The following CYP7B1 variants were observed in gnomAD, a reference collection of about 807,000 sequenced individuals.
CYP7B1 encodes cytochrome P450 family 7 subfamily B member 1.
CYP7B1 carries 29 observed loss-of-function variants against 42.7 expected under a neutral mutation model. The ratio of observed to expected loss-of-function variants is 0.68; its 90% CI spans 0.51 to 0.93. The LOEUF is 0.93. CYP7B1 is among the 40% of genes least tolerant of loss of function. The probability of loss-of-function intolerance (pLI) is 0.00; values close to 1 mark genes in which losing one functional copy is unlikely to be tolerated. For missense variants in CYP7B1, 655 were observed against 600.5 expected (o/e 1.09, Z -0.95); for synonymous variants, 235 against 218.2 (o/e 1.08, Z -0.68).
At chr8:64,767,324 G>C (rs1244441825) in intron 1 of CYP7B1, among the ~76,000 whole-genome samples, 1 of 152,166 alleles carries the variant, frequency 6.6e-6, no homozygotes, top group Non-Finnish European at 1.5e-5. Context: ...AGGTTCATCG[G>C]AAAGGAAAGG....
At chr8:64,772,231 C>T (rs955432471) in intron 1 of CYP7B1, among the ~76,000 whole-genome samples, 1 of 152,210 alleles carries the variant, frequency 6.6e-6, no homozygotes, top group Non-Finnish European at 1.5e-5. Flanking sequence ...AAGATCCCAT[C>T]TCTGATGGCT....
chr8:64,675,160 C>G (rs1806426831), intron 1 of CYP7B1, among the ~76,000 whole-genome samples: 1 of 152,100 alleles, frequency 6.6e-6, no homozygotes, highest in Admixed American at 6.6e-5. Context: ...ACATTCATTT[C>G]AAGTACAAGT....
At chr8:64,653,330 C>T (rs1272575286) in intron 1 of CYP7B1, among the ~76,000 whole-genome samples, 1 of 151,922 alleles carries the variant, frequency 6.6e-6, no homozygotes, top group Admixed American at 6.6e-5. Flanking sequence ...TACCACTGAC[C>T]CCACAGAAAT....
rs188561225 is a variant in CYP7B1, at chr8:64,591,602, G to A, written c.*5040C>T. Among the ~76,000 whole-genome samples, 4 of 152,268 alleles carry A rather than the reference G, an allele frequency of 2.6e-5. No individual in the cohort carries two copies. The highest frequency in any genetic ancestry group is 2.0e-4 in the Admixed American group (3 of 15,288). ...TTATGATAAAATAAGCATTAAAAAT[G>A]TAGATTTTCAGTATGGAAGCTCCTT... On this transcript the variant is annotated 3_prime_UTR_variant, in exon 6 of 6. Transcript: ENST00000310193.
chr8:64,731,755 T>C (rs1377660308), intron 1 of CYP7B1, among the ~76,000 whole-genome samples: 1 of 152,208 alleles, frequency 6.6e-6, no homozygotes, highest in Non-Finnish European at 1.5e-5. Context: ...ACCATGTCTT[T>C]AGATTTGGTG....
At chr8:64,589,876 A>G (rs981216125), downstream of CYP7B1, 1 of 152,206 alleles carries the variant, frequency 6.6e-6, no homozygotes, top group African/African-American at 2.4e-5. Flanking sequence ...TCATGATTAT[A>G]TCTCTGAACA....
At chr8:64,619,639 T>C (rs78400904) in intron 2 of CYP7B1, among the ~76,000 whole-genome samples, 71 of 152,266 alleles carry the variant, frequency 4.7e-4, no homozygotes, top group African/African-American at 1.7e-3. Flanking sequence ...CTTACAATAT[T>C]AACTGTAGCA....
intron 1 of CYP7B1, among the ~76,000 whole-genome samples, chr8:64,755,660 A>C (rs951100035): frequency 4.6e-5 from 7 of 152,062 alleles, no homozygotes; most frequent in African/African-American, 1.7e-4. Context: ...TTTCTGTACA[A>C]AGCTGGATAG....
chr8:64,682,361 G>A (rs958466705), intron 1 of CYP7B1, among the ~76,000 whole-genome samples: 1 of 152,192 alleles, frequency 6.6e-6, no homozygotes, highest in African/African-American at 2.4e-5. Context: ...GTGAGCAAGT[G>A]TGCATTTTTT....
rs189809616 is a variant in CYP7B1, at chr8:64,762,952, T to C, written c.122+35514A>G. ...AGAAGGTGAATAAAAAAGTGTTATTTATGGGCAACCCCCTTTGGGTCCCCT... is the reference window on the plus strand; with the variant it reads ...AGAAGGTGAATAAAAAAGTGTTATTCATGGGCAACCCCCTTTGGGTCCCCT... On this transcript the variant is annotated intron_variant, in intron 1 of 5. Coordinates refer to ENST00000310193, the MANE Select transcript of CYP7B1 (RefSeq NM_004820.5). 1.6e-4 allele frequency among the ~76,000 whole-genome samples: 25 copies of C among 152,352 alleles called. 1 individual carries two copies. Among genetic ancestry groups the C allele is most frequent in the South Asian group, 6.2e-4 (3 of 4,830 alleles).
At chr8:64,757,624 C>T (rs935030226) in intron 1 of CYP7B1, among the ~76,000 whole-genome samples, 2 of 152,234 alleles carry the variant, frequency 1.3e-5, no homozygotes, top group African/African-American at 4.8e-5. Flanking sequence ...TTACATCAGC[C>T]ACCATTGCAT....
At chr8:64,746,312 G>C (rs1169904479) in intron 1 of CYP7B1, among the ~76,000 whole-genome samples, 1 of 152,076 alleles carries the variant, frequency 6.6e-6, no homozygotes, top group Non-Finnish European at 1.5e-5. Flanking sequence ...AAGCCTTAAG[G>C]TTACTTTAAA....
At chr8:64,615,343 A>G (rs1805421870) in intron 3 of CYP7B1, 111 bp from the exon 4 acceptor site, 4 of 1,083,404 alleles carry the variant, frequency 3.7e-6, no homozygotes, top group Non-Finnish European at 4.1e-6. Flanking sequence ...GGATCAGTGC[A>G]TGCTAATGAG....
chr8:64,670,037 C>T (rs1806341713), intron 1 of CYP7B1, among the ~76,000 whole-genome samples: 1 of 152,174 alleles, frequency 6.6e-6, no homozygotes, highest in Non-Finnish European at 1.5e-5. Flanking sequence ...TGCTTAAGGG[C>T]TATTCCAACT....
intron 1 of CYP7B1, among the ~76,000 whole-genome samples, chr8:64,642,918 A>G (rs1001931606): frequency 6.6e-6 from 1 of 151,968 alleles, no homozygotes; most frequent in Non-Finnish European, 1.5e-5. Context: ...TCATTTGGAC[A>G]TATGTCTGTT....
rs979270548 is a variant in CYP7B1 at position 64,595,838 on chromosome 8, A to C, written c.*804T>G. 2.6e-5 allele frequency among the ~76,000 whole-genome samples: 4 copies of C among 152,256 alleles called. No individual in the cohort carries two copies. The highest frequency in any genetic ancestry group is 5.9e-5 in the Non-Finnish European group (4 of 68,050). The stretch of plus-strand genomic sequence containing the variant: ...TATTTGCATAACCTGTATAGTTTAT[A>C]CTAAAGCCAAATGATATAATCAATG... On this transcript the variant is annotated 3_prime_UTR_variant, in exon 6 of 6. Coordinates refer to ENST00000310193, the MANE Select transcript of CYP7B1 (RefSeq NM_004820.5).
intron 1 of CYP7B1, among the ~76,000 whole-genome samples, chr8:64,665,559 G>GTTTTTTTTTTTTTTTTTT (rs540578806): frequency 1.9e-5 from 1 of 52,042 alleles, no homozygotes; most frequent in Non-Finnish European, 3.2e-5. Flanking sequence ...TTTTTTGGTG[G>GTTTTTTTTTTTTTTTTTT]TTTTTTTTTT....
chr8:64,643,140 T>C (rs374064425), intron 1 of CYP7B1, among the ~76,000 whole-genome samples: 116 of 33,288 alleles, frequency 3.5e-3, no homozygotes, highest in African/African-American at 0.012. Context: ...TATATATACA[T>C]ATATACATAT....
intron 1 of CYP7B1, among the ~76,000 whole-genome samples, chr8:64,779,285 T>C (rs561745877): frequency 2.0e-5 from 3 of 152,104 alleles, no homozygotes; most frequent in Non-Finnish European, 4.4e-5. Context: ...TTTCAACCTC[T>C]ATAAAATGAG....
Sources: allele counts gnomAD v4.1 joint callset (sites outside exome capture counted in the v4.1 genomes callset), GRCh38; gene constraint gnomAD v4.1.1; transcripts MANE v1.5; gene names NCBI Gene and HGNC (gene_info 2026-07-23, HGNC 2026-07-21).